CYRIB: variants seen among roughly 807,000 people sequenced by gnomAD.
CYRIB encodes CYFIP-related Rac1 interactor B.
Under a neutral mutation model 44.2 loss-of-function variants are expected in CYRIB, and 8 were observed. The ratio of observed to expected loss-of-function variants is 0.18; its 90% confidence interval spans 0.11 to 0.33. CYRIB has a LOEUF of 0.33. Ranked by LOEUF, CYRIB falls within the 10% of genes least tolerant of loss-of-function variation. The pLI, the probability that CYRIB is intolerant of heterozygous loss-of-function variation, is 1.00. For synonymous variants in CYRIB, 131 were observed against 127.2 expected, an observed-to-expected ratio of 1.03 and a Z score of -0.20; for missense variants, 185 against 382.8, an observed-to-expected ratio of 0.48 and a Z score of 4.31.
At chr8:129,855,318 G>A (rs2131805645) in intron 6 of CYRIB, among the ~76,000 whole-genome samples, 1 of 151,728 alleles carries the variant, frequency 6.6e-6, no homozygotes, top group South Asian at 2.1e-4. Context: ...TTGAGCCCAG[G>A]AGGGAGAGGT....
chr8:129,952,308 A>G lies in CYRIB; in HGVS notation c.-243+18635T>C, dbSNP rs560313627. ...ACTCCCGACCTCAGGTGATCTGCCC[A>G]CCTCAGCCTCCCAAAGTGCTGGGAT... On this transcript the variant is annotated intron_variant, in intron 2 of 14. Coordinates refer to the CYRIB transcript ENST00000401979. 4.5e-3 allele frequency among the ~76,000 whole-genome samples: 679 copies of G among 152,148 alleles called. 8 individuals are homozygous for G. Among genetic ancestry groups the G allele is most frequent in the African/African-American group, 0.015 (628 of 41,512 alleles).
At chr8:129,854,899 ACATT>A (rs770097287) in intron 6 of CYRIB, among the ~76,000 whole-genome samples, 6 of 152,226 alleles carry the variant, frequency 3.9e-5, no homozygotes, top group Non-Finnish European at 7.3e-5. Context: ...TTATTCCTTT[ACATT>A]CATTCTTTTT....
At chr8:129,898,220 G>A (rs939087310) in intron 2 of CYRIB, among the ~76,000 whole-genome samples, 21 of 151,960 alleles carry the variant, frequency 1.4e-4, no homozygotes, top group African/African-American at 5.1e-4. Context: ...CCTGCAGAGG[G>A]CTTTGCATGA....
intron 5 of CYRIB, 54 bp downstream of exon 7, chr8:129,862,175 T>C (rs2050106574): frequency 1.5e-6 from 2 of 1,292,772 alleles, no homozygotes; most frequent in Non-Finnish European, 2.2e-6. Flanking sequence ...ACTTCTGGAA[T>C]GAATAAACAT....
intron 1 of CYRIB, among the ~76,000 whole-genome samples, chr8:129,982,650 T>A (rs143422865): frequency 5.1e-4 from 77 of 152,324 alleles, no homozygotes; most frequent in African/African-American, 1.8e-3. Context: ...GTGAAATGAC[T>A]GGCCAATAGC....
chr8:129,985,831 C>A (rs1315505269), intron 1 of CYRIB, among the ~76,000 whole-genome samples: 2 of 152,176 alleles, frequency 1.3e-5, no homozygotes, highest in Admixed American at 6.5e-5. Flanking sequence ...CACTGAAAAG[C>A]CCCTGAGGGT....
chr8:129,860,918 T>C (rs1341303979), intron 5 of CYRIB, among the ~76,000 whole-genome samples: 1 of 151,074 alleles, frequency 6.6e-6, no homozygotes, highest in East Asian at 1.9e-4. Flanking sequence ...GGCAACTAAG[T>C]AGAAATTTTC....
At chr8:129,955,613 G>A (rs1001232373) in intron 2 of CYRIB, among the ~76,000 whole-genome samples, 3 of 152,190 alleles carry the variant, frequency 2.0e-5, no homozygotes, top group East Asian at 3.9e-4. Context: ...AGCGTTCTAC[G>A]GTGTATCAAA....
upstream of CYRIB, among the ~76,000 whole-genome samples, chr8:129,944,520 C>T (rs1415919454): frequency 6.6e-6 from 1 of 152,170 alleles, no homozygotes; most frequent in East Asian, 1.9e-4. Context: ...CGGTGGCTCA[C>T]GTCTGTAATC....
At chr8:129,986,139 C>T (rs1413010857) in intron 1 of CYRIB, among the ~76,000 whole-genome samples, 1 of 152,194 alleles carries the variant, frequency 6.6e-6, no homozygotes, top group Non-Finnish European at 1.5e-5. Context: ...GGCCATCACC[C>T]CTGAGCACTG....
At chr8:129,926,158 T>C (rs185607772) in intron 1 of CYRIB, among the ~76,000 whole-genome samples, 6 of 152,362 alleles carry the variant, frequency 3.9e-5, no homozygotes, top group African/African-American at 1.4e-4. Context: ...TTTCGTATTC[T>C]GTATTTTCTA....
At chr8:129,983,541 A>G (rs2096332304) in intron 1 of CYRIB, among the ~76,000 whole-genome samples, 1 of 152,226 alleles carries the variant, frequency 6.6e-6, no homozygotes, top group African/African-American at 2.4e-5. Flanking sequence ...ATAAGAAGAC[A>G]CCATTGGGCA....
intron 2 of CYRIB, chr8:129,901,866 AACAC>A: frequency 6.6e-6 from 1 of 152,248 alleles, no homozygotes; most frequent in East Asian, 1.9e-4. Context: ...TAACATGAGA[AACAC>A]ACATATTAAT....
rs534801630 is a variant in CYRIB, at chr8:129,859,619, T to C, written c.301+2610A>G. Among the ~76,000 whole-genome samples, 8 of 152,356 alleles carry C rather than the reference T, an allele frequency of 5.3e-5. No homozygotes were observed. The East Asian group carries it at 1.5e-3, about 29-fold the overall frequency. ...AGACTAAGGAGGCCTCTGGTGGCCC[T>C]GCCTGGGCATAACAGAAGGCTCGCA... On this transcript the variant is annotated intron_variant, in intron 5 of 11. Transcript: ENST00000519824.
chr8:129,956,237 C>T (rs1350202049), intron 2 of CYRIB, among the ~76,000 whole-genome samples: 2 of 152,094 alleles, frequency 1.3e-5, no homozygotes, highest in African/African-American at 4.8e-5. Flanking sequence ...ATGGCTACTA[C>T]CATTGTCACT....
At chr8:129,989,443 C>T (rs1481848435) in intron 1 of CYRIB, among the ~76,000 whole-genome samples, 1 of 152,118 alleles carries the variant, frequency 6.6e-6, no homozygotes, top group Non-Finnish European at 1.5e-5. Context: ...ACTCCTCAGA[C>T]AATCTCTGAT....
intron 3 of CYRIB, among the ~76,000 whole-genome samples, chr8:129,877,146 A>G (rs2059381448): frequency 6.6e-6 from 1 of 152,238 alleles, no homozygotes; most frequent in African/African-American, 2.4e-5. Flanking sequence ...TAAATAAGAA[A>G]TAACAATGGG....
At chr8:129,856,480 G>T (rs2046272457) in intron 5 of CYRIB, among the ~76,000 whole-genome samples, 1 of 152,084 alleles carries the variant, frequency 6.6e-6, no homozygotes, top group South Asian at 2.1e-4. Context: ...AAAAGCCATA[G>T]AAATCAAATG....
chr8:129,957,097 A>G (rs1464314024), intron 2 of CYRIB, among the ~76,000 whole-genome samples: 1 of 152,150 alleles, frequency 6.6e-6, no homozygotes, highest in Non-Finnish European at 1.5e-5. Flanking sequence ...CCTGGGCTCA[A>G]GCAATCCTCC....
Sources: allele counts gnomAD v4.1 joint callset (sites outside exome capture counted in the v4.1 genomes callset), GRCh38; gene constraint gnomAD v4.1.1; transcripts MANE v1.5; gene names NCBI Gene and HGNC (gene_info 2026-07-23, HGNC 2026-07-21).